Variants in PTPRE observed in about 807,000 individuals in gnomAD.
PTPRE encodes the protein receptor-type tyrosine-protein phosphatase epsilon.
PTPRE carries 51 observed loss-of-function variants against 102.0 expected under a neutral mutation model. The ratio of observed to expected loss-of-function variants is 0.50; its 90% CI spans 0.40 to 0.63. The LOEUF is 0.63. Among genes scored for constraint, PTPRE ranks in the 30% least tolerant of loss-of-function variants. The pLI is 0.00. For synonymous variants in PTPRE, 345 were observed against 348.2 expected (o/e 0.99, Z 0.10); for missense variants, 752 against 915.1 (o/e 0.82, Z 2.30).
At chr10:128,059,099 G>T (rs1301322917) in intron 7 of PTPRE, among the ~76,000 whole-genome samples, 1 of 152,196 alleles carries the variant, frequency 6.6e-6, no homozygotes, top group East Asian at 1.9e-4. Context: ...CTTAGAAACT[G>T]CAAGATTCTA....
At chr10:128,080,283 G>A (rs891974653) in intron 20 of PTPRE, among the ~76,000 whole-genome samples, 4 of 152,168 alleles carry the variant, frequency 2.6e-5, no homozygotes, top group Non-Finnish European at 4.4e-5. Context: ...CTAACCCAGC[G>A]AGTACAATTT....
intron 1 of PTPRE, among the ~76,000 whole-genome samples, chr10:127,911,381 G>A (rs993054489): frequency 5.9e-5 from 9 of 152,158 alleles, no homozygotes; most frequent in Admixed American, 2.6e-4. Context: ...AACCAGGCTC[G>A]TGGCCTGAAT....
At chr10:127,934,034 A>ATG (rs1564807883) in intron 1 of PTPRE, 5 of 112,296 alleles carry the variant, frequency 4.5e-5, no homozygotes, top group African/African-American at 1.7e-4. Context: ...GCACACACAC[A>ATG]CACACACACA....
At chr10:127,976,520 A>G (rs1405010368) in intron 1 of PTPRE, among the ~76,000 whole-genome samples, 2 of 152,218 alleles carry the variant, frequency 1.3e-5, no homozygotes, top group African/African-American at 4.8e-5. Flanking sequence ...GCAGCTGCCC[A>G]TGAATAATTT....
intron 13 of PTPRE, 120 bp downstream of exon 13, chr10:128,069,947 C>G: frequency 6.7e-7 from 1 of 1,491,508 alleles, no homozygotes; most frequent in Non-Finnish European, 9.2e-7. Flanking sequence ...TGGGCCTGGC[C>G]TGGCTTCGCT....
At chr10:127,915,961 G>A (rs891262249) in intron 1 of PTPRE, among the ~76,000 whole-genome samples, 5 of 150,750 alleles carry the variant, frequency 3.3e-5, no homozygotes, top group Non-Finnish European at 4.4e-5. Flanking sequence ...GCATCCGTAC[G>A]TACAAGCACT....
At chr10:128,002,539 C>T (rs779314049) in intron 2 of PTPRE, among the ~76,000 whole-genome samples, 28 of 152,184 alleles carry the variant, frequency 1.8e-4, no homozygotes, top group Middle Eastern at 3.4e-3. Context: ...AGGATGGATA[C>T]AGGAAGGGCC....
intron 6 of PTPRE, among the ~76,000 whole-genome samples, chr10:128,050,644 C>T (rs1848500214): frequency 6.6e-6 from 1 of 152,190 alleles, no homozygotes; most frequent in Non-Finnish European, 1.5e-5. Context: ...GATAGATTTT[C>T]AGCAGGATTG....
chr10:127,996,053 G>C (rs1042417558), intron 2 of PTPRE, among the ~76,000 whole-genome samples: 1 of 152,188 alleles, frequency 6.6e-6, no homozygotes, highest in African/African-American at 2.4e-5. Context: ...TGGACATCTT[G>C]TTGCCAGGAA....
chr10:127,940,329 A>G (rs1016405446), intron 1 of PTPRE, among the ~76,000 whole-genome samples: 1 of 152,144 alleles, frequency 6.6e-6, no homozygotes, highest in Non-Finnish European at 1.5e-5. Context: ...AGCCCAGTGA[A>G]TGAGGGTTCT....
chr10:127,995,936 G>A (rs565440603), intron 2 of PTPRE, among the ~76,000 whole-genome samples: 2 of 152,274 alleles, frequency 1.3e-5, no homozygotes, highest in Admixed American at 6.5e-5. Context: ...GTGAAATGGA[G>A]GGGGGCTTTC....
chr10:127,941,847 G>C (rs898293333), intron 1 of PTPRE, among the ~76,000 whole-genome samples: 1 of 151,302 alleles, frequency 6.6e-6, no homozygotes, highest in Admixed American at 6.6e-5. Context: ...CACAAACCCC[G>C]AATCCCTCAC....
intron 1 of PTPRE, among the ~76,000 whole-genome samples, chr10:127,909,906 G>A (rs1243365861): frequency 6.6e-6 from 1 of 152,214 alleles, no homozygotes; most frequent in African/African-American, 2.4e-5. Context: ...CATGTGGCCA[G>A]CCCTTCTGGA....
chr10:128,016,636 G>A (rs538295118), intron 2 of PTPRE, among the ~76,000 whole-genome samples: 6 of 152,166 alleles, frequency 3.9e-5, no homozygotes, highest in South Asian at 2.1e-4. Context: ...CCAGGTGGCC[G>A]AGATGTGTCG....
At chr10:127,939,913 T>TAGGCAGGTGG (rs1250859797) in intron 1 of PTPRE, among the ~76,000 whole-genome samples, 2 of 141,728 alleles carry the variant, frequency 1.4e-5, no homozygotes, top group Non-Finnish European at 3.0e-5. Flanking sequence ...CAGGCAGATG[T>TAGGCAGGTGG]AGGCAGGTGG....
intron 2 of PTPRE, among the ~76,000 whole-genome samples, chr10:128,024,548 C>A (rs1304219674): frequency 3.3e-5 from 5 of 152,162 alleles, no homozygotes; most frequent in Non-Finnish European, 7.4e-5. Context: ...TGGAATTACG[C>A]AAATTAGAGG....
chr10:128,008,628 G>A lies in PTPRE; in HGVS notation c.-8+26332G>A, dbSNP rs1221750245. 6.6e-6 allele frequency among the ~76,000 whole-genome samples: 1 copy of A among 152,152 alleles called. No homozygotes were observed. The highest frequency in any genetic ancestry group is 1.5e-5 in the Non-Finnish European group (1 of 68,024). On this transcript the variant is annotated intron_variant, in intron 2 of 20. Transcript: ENST00000254667. The surrounding 1 kb of genome is among the most constrained non-coding windows in gnomAD (Gnocchi z 4.0). ...GTATGGGAAGGAGCCCGACACACCT[G>A]GTCTTTCTCAACTCCTGCAAGTCAC...
Position 127,968,460 on chromosome 10 carries a change from T to C in PTPRE, c.-30-13814T>C, listed in dbSNP as rs1276833205. ...CAAAAAGCCTTCCCCATTGAGGCCA[T>C]CTGGCGAGTTCTGCCTCCAATGTCC... On this transcript the variant is annotated intron_variant, in intron 1 of 20. Transcript: ENST00000254667. Among the ~76,000 whole-genome samples the C allele has an allele frequency of 4.6e-5, 7 of 152,354 alleles. No individual in the cohort carries two copies. The East Asian group carries it at 1.4e-3, about 29-fold the overall frequency.
intron 17 of PTPRE, among the ~76,000 whole-genome samples, chr10:128,074,199 G>C (rs1382621199): frequency 6.6e-6 from 1 of 152,086 alleles, no homozygotes; most frequent in Non-Finnish European, 1.5e-5. Flanking sequence ...TCCGTGATTG[G>C]GTTCTTTCAC....
Sources: gnomAD v4.1 joint callset for allele counts (sites outside exome capture counted in the v4.1 genomes callset) on GRCh38, gnomAD v4.1.1 for gene constraint, Gnocchi (gnomAD v3.1) non-coding constraint, MANE v1.5 for transcripts, NCBI Gene and HGNC (gene_info 2026-07-23, HGNC 2026-07-21) for gene names.